Variants in NCAM2 observed in about 807,000 individuals in gnomAD.
NCAM2 encodes neural cell adhesion molecule 2.
Under a neutral mutation model 98.1 loss-of-function variants are expected in NCAM2, and 30 were observed. That is an observed-to-expected ratio of 0.31 (90% CI 0.23 to 0.41). The LOEUF (loss-of-function observed/expected upper bound fraction) is 0.41. NCAM2 is among the 10% of genes least tolerant of loss of function. The pLI is 1.00. For synonymous variants in NCAM2, 368 were observed against 342.4 expected (o/e 1.07, Z -0.83); for missense variants, 867 against 1,005.8 (o/e 0.86, Z 1.87).
At chr21:21,480,455 C>T (rs1418483940) in intron 15 of NCAM2, among the ~76,000 whole-genome samples, 1 of 149,526 alleles carries the variant, frequency 6.7e-6, no homozygotes, top group Non-Finnish European at 1.5e-5. Flanking sequence ...CAGGAATGAA[C>T]TTTCCAGGGA....
At chr21:21,261,644 C>A (rs1295503621) in intron 1 of NCAM2, among the ~76,000 whole-genome samples, 2 of 152,058 alleles carry the variant, frequency 1.3e-5, no homozygotes, top group South Asian at 2.1e-4. Context: ...AGAAAATAAT[C>A]AAAAAATTTT....
At chr21:21,050,056 C>T (rs995662447) in intron 1 of NCAM2, among the ~76,000 whole-genome samples, 1 of 151,088 alleles carries the variant, frequency 6.6e-6, no homozygotes, top group Non-Finnish European at 1.5e-5. Context: ...GGTGACTGAT[C>T]AAATGACTTC....
intron 9 of NCAM2, among the ~76,000 whole-genome samples, chr21:21,405,619 T>G (rs2076724118): frequency 6.6e-6 from 1 of 152,162 alleles, no homozygotes; most frequent in Non-Finnish European, 1.5e-5. Context: ...GCAAATATGT[T>G]TTAATGCAGA....
chr21:21,503,307 C>T (rs188866810), intron 15 of NCAM2, among the ~76,000 whole-genome samples: 1 of 151,748 alleles, frequency 6.6e-6, no homozygotes, highest in Admixed American at 6.6e-5. Context: ...TTTCCAGCAT[C>T]GCTAATCTTG....
At chr21:21,129,465 G>T (rs998229637) in intron 1 of NCAM2, among the ~76,000 whole-genome samples, 3 of 152,102 alleles carry the variant, frequency 2.0e-5, no homozygotes, top group African/African-American at 7.2e-5. Context: ...ATTTTCTACT[G>T]CCAGCTGCTA....
chr21:20,998,837 A>AGAGG (rs1396524751), intron 1 of NCAM2, among the ~76,000 whole-genome samples: 7 of 152,108 alleles, frequency 4.6e-5, no homozygotes, highest in African/African-American at 1.7e-4. Flanking sequence ...ACAGAATTGG[A>AGAGG]GAGGGGAATC....
chr21:21,364,098 C>A (rs1255009574), intron 8 of NCAM2, among the ~76,000 whole-genome samples: 1 of 151,992 alleles, frequency 6.6e-6, no homozygotes, highest in African/African-American at 2.4e-5. Flanking sequence ...TTGTTTTCCA[C>A]ACTTTTAGTT....
At chr21:21,216,558 A>G (rs1227564310) in intron 1 of NCAM2, among the ~76,000 whole-genome samples, 1 of 152,188 alleles carries the variant, frequency 6.6e-6, no homozygotes, top group Non-Finnish European at 1.5e-5. Context: ...ATACAAAACT[A>G]CAGCTTGCCC....
intron 12 of NCAM2, among the ~76,000 whole-genome samples, chr21:21,464,891 C>T (rs1983475669): frequency 6.6e-6 from 1 of 152,084 alleles, no homozygotes; most frequent in South Asian, 2.1e-4. Flanking sequence ...CAAGCCTTGG[C>T]TATGCCATTT....
intron 8 of NCAM2, among the ~76,000 whole-genome samples, chr21:21,340,809 A>G (rs1159924547): frequency 6.6e-6 from 1 of 152,000 alleles, no homozygotes; most frequent in Non-Finnish European, 1.5e-5. Context: ...GCCATTTATG[A>G]TGCCTCAGCA....
At chr21:21,485,754 G>C (rs896166966) in intron 15 of NCAM2, among the ~76,000 whole-genome samples, 4 of 152,092 alleles carry the variant, frequency 2.6e-5, no homozygotes, top group African/African-American at 9.7e-5. Flanking sequence ...AACATACTTG[G>C]TAAATCAAAT....
At chr21:21,287,613 C>T (rs991426895) in intron 4 of NCAM2, among the ~76,000 whole-genome samples, 7 of 151,786 alleles carry the variant, frequency 4.6e-5, no homozygotes, top group African/African-American at 1.7e-4. Context: ...TCTTACACCT[C>T]AAGTGTAGGT....
At chr21:21,316,540 T>TC (rs887817509) in intron 5 of NCAM2, among the ~76,000 whole-genome samples, 1 of 144,960 alleles carries the variant, frequency 6.9e-6, no homozygotes, top group African/African-American at 2.5e-5. Flanking sequence ...ATTCTTTTTT[T>TC]TTTTTTTTTT....
At chr21:21,433,781 A>G (rs1453038309) in intron 12 of NCAM2, among the ~76,000 whole-genome samples, 3 of 149,258 alleles carry the variant, frequency 2.0e-5, no homozygotes, top group Non-Finnish European at 3.0e-5. Flanking sequence ...AAAATAAAAT[A>G]AAATAAAATA....
At chr21:21,345,343 A>G (rs939060440) in intron 8 of NCAM2, among the ~76,000 whole-genome samples, 1 of 152,112 alleles carries the variant, frequency 6.6e-6, no homozygotes, top group Admixed American at 6.5e-5. Flanking sequence ...AGAGAATTCA[A>G]AATAGTTGTG....
At chr21:21,061,910 A>C (rs1024761835) in intron 1 of NCAM2, among the ~76,000 whole-genome samples, 2 of 152,116 alleles carry the variant, frequency 1.3e-5, no homozygotes, top group Admixed American at 6.6e-5. Flanking sequence ...TCAATGCAAT[A>C]ATTGTTGTCA....
chr21:21,259,594 C>T (rs921454551), intron 1 of NCAM2, among the ~76,000 whole-genome samples: 2 of 152,104 alleles, frequency 1.3e-5, no homozygotes, highest in Admixed American at 6.5e-5. Context: ...TGAACTGGAG[C>T]CCAAAATTCA....
intron 8 of NCAM2, among the ~76,000 whole-genome samples, chr21:21,355,704 CT>C (rs921599974): frequency 4.0e-5 from 6 of 151,792 alleles, no homozygotes; most frequent in African/African-American, 1.4e-4. Context: ...CAACCTCTGC[CT>C]CCCGAGTTCA....
intron 1 of NCAM2, among the ~76,000 whole-genome samples, chr21:21,104,940 G>A (rs2066315789): frequency 6.6e-6 from 1 of 152,030 alleles, no homozygotes; most frequent in African/African-American, 2.4e-5. Flanking sequence ...AGGTTTACAA[G>A]GAGAAAAACT....
Sources: gnomAD v4.1 joint callset for allele counts (sites outside exome capture counted in the v4.1 genomes callset) on GRCh38, gnomAD v4.1.1 for gene constraint, MANE v1.5 for transcripts, NCBI Gene and HGNC (gene_info 2026-07-23, HGNC 2026-07-21) for gene names.